The following IQCM variants were observed in gnomAD, a reference collection of about 807,000 sequenced individuals.
The protein encoded by IQCM is IQ motif containing M.
Under a neutral mutation model 57.6 loss-of-function variants are expected in IQCM, and 45 were observed. That is an observed-to-expected ratio of 0.78 (90% CI 0.62 to 1.00). The LOEUF (loss-of-function observed/expected upper bound fraction) is 1.00, where lower values mean the gene tolerates loss of function less well. IQCM is among the 50% of genes least tolerant of loss of function. The probability of loss-of-function intolerance (pLI) is 0.00; values close to 1 mark genes in which losing one functional copy is unlikely to be tolerated. For missense variants in IQCM, 468 were observed against 511.6 expected, an observed-to-expected ratio of 0.91 and a Z score of 0.82; for synonymous variants, 148 against 158.9, an observed-to-expected ratio of 0.93 and a Z score of 0.51.
At chr4:149,602,911 A>G (rs1754446427) in intron 8 of IQCM, among the ~76,000 whole-genome samples, 1 of 152,126 alleles carries the variant, frequency 6.6e-6, no homozygotes, top group East Asian at 1.9e-4. Context: ...CAATTTAACC[A>G]TATATAACAA....
intron 8 of IQCM, among the ~76,000 whole-genome samples, chr4:149,598,634 T>C (rs562135035): frequency 1.6e-4 from 23 of 147,066 alleles, no homozygotes; most frequent in African/African-American, 5.3e-4. Context: ...CCCAGAAACA[T>C]ACAAAAATTC....
intron 13 of IQCM, among the ~76,000 whole-genome samples, chr4:149,400,426 C>A (rs1053164556): frequency 3.3e-5 from 5 of 152,012 alleles, no homozygotes; most frequent in Non-Finnish European, 7.4e-5. Context: ...TGTCTACATG[C>A]AGACTTCACG....
At chr4:149,787,662 T>C (rs944191545) in intron 2 of IQCM, among the ~76,000 whole-genome samples, 1 of 152,138 alleles carries the variant, frequency 6.6e-6, no homozygotes, top group South Asian at 2.1e-4. Flanking sequence ...CTGGACTCTA[T>C]TTCTCACCAT....
chr4:149,690,213 T>C lies in IQCM; in HGVS notation c.386-3745A>G, dbSNP rs1333784054. Among the ~76,000 whole-genome samples the C allele has an allele frequency of 2.0e-5, 3 of 152,008 alleles. No homozygotes were observed. In the East Asian group the frequency reaches 5.8e-4, roughly 29 times the overall value. On this transcript the variant is annotated intron_variant, in intron 5 of 13. Coordinates refer to ENST00000636793, the MANE Select transcript of IQCM (RefSeq NM_001363507.2). ...AAAGAAACTGGTGTATGCATGTATATACACACACACAATGGAATATTACTC... is the reference window on the plus strand; with the variant it reads ...AAAGAAACTGGTGTATGCATGTATACACACACACACAATGGAATATTACTC...
intron 12 of IQCM, among the ~76,000 whole-genome samples, chr4:149,509,334 G>C (rs1188883808): frequency 6.6e-6 from 1 of 151,942 alleles, no homozygotes; most frequent in Non-Finnish European, 1.5e-5. Context: ...CTGGGGTGCA[G>C]TGACACAACC....
At chr4:149,795,212 T>A (rs1773002547) in intron 2 of IQCM, among the ~76,000 whole-genome samples, 2 of 152,062 alleles carry the variant, frequency 1.3e-5, no homozygotes, top group South Asian at 4.1e-4. Flanking sequence ...GGGCATAGAT[T>A]AAAAAACAGA....
At chr4:149,726,123 GAAAGAAAGAAAGAAAGA>G (rs1765899631) in intron 5 of IQCM, among the ~76,000 whole-genome samples, 2 of 145,850 alleles carry the variant, frequency 1.4e-5, no homozygotes, top group Non-Finnish European at 3.0e-5. Context: ...AAGAAAGAAA[GAAAGAAAGAAAGAAAGA>G]AAAGAAAGAA....
In IQCM at chr4:149,442,171, G is replaced by A. The variant is rs117309662; in HGVS notation, c.1229-8614C>T. On this transcript the variant is annotated intron_variant, in intron 12 of 13. Transcript: ENST00000636793. ...GAGTCACACATTTATTCTTTTCAAA[G>A]AGCCTTTGTGTGACTAAATTCTCTT... 6.4e-4 allele frequency among the ~76,000 whole-genome samples: 97 copies of A among 152,224 alleles called. 1 individual carries two copies. The East Asian group carries it at 0.018, about 27-fold the overall frequency.
chr4:149,462,567 T>C (rs961196410), intron 12 of IQCM, among the ~76,000 whole-genome samples: 16 of 152,230 alleles, frequency 1.1e-4, no homozygotes, highest in Non-Finnish European at 5.9e-5. Context: ...TAATTTTCAA[T>C]ACAGCAATAG....
intron 9 of IQCM, among the ~76,000 whole-genome samples, chr4:149,573,842 A>C (rs879616391): frequency 6.6e-6 from 1 of 151,958 alleles, no homozygotes. Flanking sequence ...ATAAATGATA[A>C]ATTTATAAGT....
Position 149,367,113 on chromosome 4 carries a change from C to A in IQCM, c.1391-15047G>T, listed in dbSNP as rs975207300. Among the ~76,000 whole-genome samples the A allele has an allele frequency of 3.3e-5, 5 of 152,066 alleles. 2 individuals are homozygous for A. Among genetic ancestry groups the A allele is most frequent in the Admixed American group, 6.6e-5 (1 of 15,256 alleles). On this transcript the variant is annotated intron_variant, in intron 13 of 13. Transcript: ENST00000636793. ...ATTTTTATTATGAGAAGCTAAGACT[C>A]CTATTAGTAACATGTTTCATTGAGC... is the stretch of plus-strand genomic sequence containing the variant.
intron 12 of IQCM, among the ~76,000 whole-genome samples, chr4:149,514,229 T>C (rs1744711749): frequency 6.6e-6 from 1 of 152,166 alleles, no homozygotes; most frequent in Non-Finnish European, 1.5e-5. Context: ...ATTTGTTCCT[T>C]AAATGATCTG....
At chr4:149,356,541 G>T (rs1344950159) in intron 13 of IQCM, among the ~76,000 whole-genome samples, 1 of 152,114 alleles carries the variant, frequency 6.6e-6, no homozygotes, top group African/African-American at 2.4e-5. Context: ...GTTTGTCAAA[G>T]ATCAGATAGT....
intron 13 of IQCM, among the ~76,000 whole-genome samples, chr4:149,414,306 CT>C (rs1253126930): frequency 6.6e-6 from 1 of 152,116 alleles, no homozygotes; most frequent in African/African-American, 2.4e-5. Flanking sequence ...ACTGTATCTT[CT>C]TCATAAAAGA....
At chr4:149,413,620 G>A (rs2111184926) in intron 13 of IQCM, among the ~76,000 whole-genome samples, 1 of 152,316 alleles carries the variant, frequency 6.6e-6, no homozygotes, top group African/African-American at 2.4e-5. Flanking sequence ...AAAGAGCAGT[G>A]TCTAAACAAA....
chr4:149,509,897 T>C (rs1744224571), intron 12 of IQCM, among the ~76,000 whole-genome samples: 1 of 152,244 alleles, frequency 6.6e-6, no homozygotes, highest in South Asian at 2.1e-4. Context: ...ATTCTCATAT[T>C]AATAACTTTC....
At chr4:149,400,709 A>G (rs1398912419) in intron 13 of IQCM, among the ~76,000 whole-genome samples, 1 of 152,028 alleles carries the variant, frequency 6.6e-6, no homozygotes, top group African/African-American at 2.4e-5. Flanking sequence ...AGTGACAACT[A>G]AATGATAGAT....
At chr4:149,623,138 T>G (rs941813632) in intron 7 of IQCM, among the ~76,000 whole-genome samples, 1 of 152,118 alleles carries the variant, frequency 6.6e-6, no homozygotes, top group African/African-American at 2.4e-5. Flanking sequence ...TGTACTCCCA[T>G]GAATGTGTAC....
chr4:149,628,211 G>T (rs1337478285), intron 7 of IQCM, among the ~76,000 whole-genome samples: 1 of 152,080 alleles, frequency 6.6e-6, no homozygotes, highest in Non-Finnish European at 1.5e-5. Flanking sequence ...AAAATATTCT[G>T]CTAGACCCAG....
Sources: gnomAD v4.1 joint callset for allele counts (sites outside exome capture counted in the v4.1 genomes callset) on GRCh38, gnomAD v4.1.1 for gene constraint, MANE v1.5 for transcripts, NCBI Gene and HGNC (gene_info 2026-07-23, HGNC 2026-07-21) for gene names.